MID2: variants seen among roughly 807,000 people sequenced by gnomAD.
The protein encoded by MID2 is probable E3 ubiquitin-protein ligase MID2.
A neutral mutation model predicts 46.1 loss-of-function variants in MID2; 13 were observed. The observed-to-expected ratio is 0.28, with a 90% confidence interval of 0.18 to 0.45. MID2 has a LOEUF of 0.45. Ranked by LOEUF, MID2 falls within the 20% of genes least tolerant of loss-of-function variation. The probability of loss-of-function intolerance (pLI) is 1.00; values close to 1 mark genes in which losing one functional copy is unlikely to be tolerated. For synonymous variants in MID2, 199 were observed against 212.3 expected, an observed-to-expected ratio of 0.94 and a Z score of 0.55; for missense variants, 431 against 575.4, an observed-to-expected ratio of 0.75 and a Z score of 2.57.
At chrX:107,908,997 CT>C (rs1243410461) in intron 5 of MID2, among the ~76,000 whole-genome samples, 1 of 111,648 alleles carries the variant, frequency 9.0e-6, no homozygotes, top group African/African-American at 3.3e-5. Flanking sequence ...AATTGGTTGC[CT>C]TTTCTTCTCA....
At chrX:107,885,003 T>C (rs1932417606) in intron 3 of MID2, among the ~76,000 whole-genome samples, 1 of 112,205 alleles carries the variant, frequency 8.9e-6, no homozygotes, top group South Asian at 3.7e-4. Context: ...TTTCTTTTAC[T>C]AGCAGTAACA....
intron 3 of MID2, among the ~76,000 whole-genome samples, chrX:107,883,610 T>C (rs1932380181): frequency 8.9e-6 from 1 of 112,567 alleles, no homozygotes; most frequent in African/African-American, 3.2e-5. Flanking sequence ...ATCTATGGCA[T>C]AGCTTATTTT....
chrX:107,860,643 G>C (rs1039271792), intron 3 of MID2, among the ~76,000 whole-genome samples: 4 of 112,300 alleles, frequency 3.6e-5, no homozygotes, highest in Non-Finnish European at 7.5e-5. Context: ...AGAATGCTGT[G>C]CATTTTGAAA....
chrX:107,830,471 A>C (rs905581121), intron 1 of MID2, among the ~76,000 whole-genome samples: 4 of 111,857 alleles, frequency 3.6e-5, no homozygotes, highest in African/African-American at 1.3e-4. Context: ...TTCATGAAGC[A>C]CTCCTTACTC....
intron 5 of MID2, among the ~76,000 whole-genome samples, chrX:107,912,716 G>A (rs961796238): frequency 9.0e-6 from 1 of 111,210 alleles, no homozygotes; most frequent in Non-Finnish European, 1.9e-5. Flanking sequence ...CATCTAGATG[G>A]TTATGATTCC....
chrX:107,826,397 C>T lies in MID2; in HGVS notation c.-30C>T, dbSNP rs1268248526. The T allele has an allele frequency of 3.5e-6, 4 of 1,133,884 alleles. No individual in the cohort carries two copies. Among genetic ancestry groups the T allele is most frequent in the East Asian group, 3.7e-5 (1 of 26,707 alleles). The allele number at this position is 1,133,884 out of a possible 1,213,427, so 93.4% of individuals were successfully genotyped here. On this transcript the variant is annotated 5_prime_UTR_variant, in exon 1 of 10. Coordinates refer to ENST00000262843, the MANE Select transcript of MID2 (RefSeq NM_012216.4). The stretch of plus-strand genomic sequence containing the variant: ...CGAGAGCCCAGCGCCCTCGAGCGAG[C>T]GGAGGAGATGGCTGGCACCTGGGAA...
intron 1 of MID2, among the ~76,000 whole-genome samples, chrX:107,840,248 A>C (rs1309755112): frequency 1.8e-5 from 2 of 112,070 alleles, no homozygotes; most frequent in African/African-American, 6.5e-5. Context: ...TGTCACATAG[A>C]AGCAGCCCTA....
At chrX:107,909,971 C>T (rs1245909363) in intron 5 of MID2, among the ~76,000 whole-genome samples, 1 of 112,356 alleles carries the variant, frequency 8.9e-6, no homozygotes, top group Non-Finnish European at 1.9e-5. Flanking sequence ...CTAATCAAAG[C>T]CAATTAACAT....
chrX:107,922,680 T>C (rs1386285535), intron 7 of MID2, among the ~76,000 whole-genome samples: 1 of 111,881 alleles, frequency 8.9e-6, no homozygotes, highest in Non-Finnish European at 1.9e-5. Flanking sequence ...TGTTTTCTTA[T>C]TTTTCTTTCT....
At chrX:107,876,570 ATATTGGGATCC>A (rs1932204878) in intron 3 of MID2, among the ~76,000 whole-genome samples, 1 of 110,943 alleles carries the variant, frequency 9.0e-6, no homozygotes, top group African/African-American at 3.3e-5. Context: ...TCCCATCTCA[ATATTGGGATCC>A]TATTTAGGGT....
chrX:107,843,970 C>T (rs1057377753), intron 2 of MID2, among the ~76,000 whole-genome samples: 5 of 109,910 alleles, frequency 4.5e-5, no homozygotes, highest in South Asian at 4.0e-4. Context: ...CCCTATCATT[C>T]TTCCCCATAC....
rs1305882916 is a variant in MID2, at chrX:107,926,349, T to C, written c.1805+48T>C. The C allele has an allele frequency of 3.9e-6, 4 of 1,029,879 alleles. No individual in the cohort carries two copies. The Admixed American group carries it at 9.5e-5, about 24-fold the overall frequency. The allele number at this position is 1,029,879 out of a possible 1,213,427, so 84.9% of individuals were successfully genotyped here. ...TTCTTTTCTGTCCTCTGTCATTAGG[T>C]TCCTAGGAGATTCAATTCTATAGCA... On this transcript the variant is annotated intron_variant, in intron 9 of 9. Transcript: ENST00000262843.
Position 107,926,289 on chromosome X carries a change from G to A in MID2, c.1793G>A (p.Gly598Asp), listed in dbSNP as rs267606306. The A allele has an allele frequency of 8.3e-7, 1 of 1,205,753 alleles. No individual in the cohort carries two copies. Among genetic ancestry groups the A allele is most frequent in the South Asian group, 1.8e-5 (1 of 56,343 alleles). Residue 598 changes from glycine (G) to aspartate (D), a missense_variant, in exon 9 of 10, where the codon GGT becomes GAT. Coordinates refer to ENST00000262843, the MANE Select transcript of MID2 (RefSeq NM_012216.4). ...TGCCACTATTGGGAGGTGGTCATGG[G>A]TTCCTCAACATGGTGAGTGGATCCC... is the stretch of plus-strand genomic sequence containing the variant. ...SGCHYWEVVM[G>D]SSTWYAIGIA...
At chrX:107,915,565 A>C (rs1341834416) in intron 5 of MID2, among the ~76,000 whole-genome samples, 1 of 111,227 alleles carries the variant, frequency 9.0e-6, no homozygotes, top group Admixed American at 9.5e-5. Context: ...CTCAAAAAAA[A>C]AAAAATCACA....
chrX:107,872,690 A>C (rs2147843997), intron 3 of MID2, among the ~76,000 whole-genome samples: 1 of 112,190 alleles, frequency 8.9e-6, no homozygotes, highest in Non-Finnish European at 1.9e-5. Flanking sequence ...AAGGGAAGCA[A>C]GTACCTTTAC....
intron 3 of MID2, among the ~76,000 whole-genome samples, chrX:107,865,013 A>T (rs762072367): frequency 8.9e-6 from 1 of 112,487 alleles, no homozygotes; most frequent in Non-Finnish European, 1.9e-5. Context: ...AATGAAGTAC[A>T]TATGATTCTC....
At chrX:107,909,605 C>T (rs932579861) in intron 5 of MID2, among the ~76,000 whole-genome samples, 1 of 112,008 alleles carries the variant, frequency 8.9e-6, no homozygotes. Context: ...ATTTCCCCTT[C>T]CTGTACCACT....
At position 107,890,644 on chromosome X, in the gene MID2, C is replaced by G. The variant is rs950986157; in HGVS notation, c.817-13314C>G. 1.1e-4 allele frequency among the ~76,000 whole-genome samples: 12 copies of G among 112,205 alleles called. No homozygotes were observed. In the East Asian group the frequency reaches 3.4e-3, roughly 31 times the overall value. Reference sequence around the variant, plus strand: ...GGGAGAACCACTCCTCTCTTCAAAGCTGTCAGACAGGGACATTTAAGTCTG... The same window carrying G: ...GGGAGAACCACTCCTCTCTTCAAAGGTGTCAGACAGGGACATTTAAGTCTG... On this transcript the variant is annotated intron_variant, in intron 3 of 9. Coordinates refer to ENST00000262843, the MANE Select transcript of MID2 (RefSeq NM_012216.4).
intron 1 of MID2, among the ~76,000 whole-genome samples, chrX:107,832,990 G>T (rs2147821167): frequency 9.0e-6 from 1 of 111,360 alleles, no homozygotes; most frequent in African/African-American, 3.3e-5. Flanking sequence ...TTGTCCTCTG[G>T]AACATCCATT....
Sources: gnomAD v4.1 joint callset for allele counts (sites outside exome capture counted in the v4.1 genomes callset) on GRCh38, gnomAD v4.1.1 for gene constraint, MANE v1.5 for transcripts, NCBI Gene and HGNC (gene_info 2026-07-23, HGNC 2026-07-21) for gene names.